NEGR1: variants seen among roughly 807,000 people sequenced by gnomAD.
NEGR1 encodes the protein IgLON family member 4.
A neutral mutation model predicts 40.9 loss-of-function variants in NEGR1; 10 were observed. The ratio of observed to expected loss-of-function variants is 0.24; its 90% CI spans 0.15 to 0.42. The LOEUF is 0.42. Among genes scored for constraint, NEGR1 ranks in the 10% least tolerant of loss-of-function variants. The pLI, the probability that NEGR1 is intolerant of heterozygous loss-of-function variation, is 1.00. For missense variants in NEGR1, 352 were observed against 438.9 expected, an observed-to-expected ratio of 0.80 and a Z score of 1.77; for synonymous variants, 185 against 166.8, an observed-to-expected ratio of 1.11 and a Z score of -0.84.
chr1:71,648,341 G>A (rs1487169537), intron 4 of NEGR1, among the ~76,000 whole-genome samples: 1 of 152,010 alleles, frequency 6.6e-6, no homozygotes, highest in African/African-American at 2.4e-5. Flanking sequence ...AACAACTTGA[G>A]TGTGAGCTAT....
intron 2 of NEGR1, among the ~76,000 whole-genome samples, chr1:71,800,563 C>A (rs1331418923): frequency 6.6e-6 from 1 of 152,146 alleles, no homozygotes. Flanking sequence ...TATCCCTTTT[C>A]CTTATCCCTG....
chr1:71,616,871 T>A (rs1650461637), intron 4 of NEGR1, among the ~76,000 whole-genome samples: 1 of 152,112 alleles, frequency 6.6e-6, no homozygotes, highest in East Asian at 1.9e-4. Flanking sequence ...AAAGCTGCAT[T>A]TAAAAGAAAA....
chr1:71,873,843 A>C (rs1166964158), intron 2 of NEGR1, among the ~76,000 whole-genome samples: 1 of 152,174 alleles, frequency 6.6e-6, no homozygotes. Flanking sequence ...TCAAAACAAA[A>C]TCTCATCTGT....
intron 2 of NEGR1, among the ~76,000 whole-genome samples, chr1:71,896,375 G>C (rs932684085): frequency 2.0e-5 from 3 of 152,050 alleles, no homozygotes; most frequent in African/African-American, 7.2e-5. Flanking sequence ...CAAATTATTT[G>C]ACCACTTTCT....
intron 6 of NEGR1, among the ~76,000 whole-genome samples, chr1:71,562,387 A>G (rs1368608951): frequency 6.6e-6 from 1 of 150,774 alleles, no homozygotes; most frequent in African/African-American, 2.4e-5. Flanking sequence ...CTGGTTCTAA[A>G]ATATGAAGAG....
At chr1:71,824,453 T>C (rs1456675853) in intron 2 of NEGR1, among the ~76,000 whole-genome samples, 1 of 151,872 alleles carries the variant, frequency 6.6e-6, no homozygotes, top group Non-Finnish European at 1.5e-5. Context: ...CATATAATCT[T>C]ACCCATTATA....
At chr1:72,104,768 T>C (rs904405706) in intron 1 of NEGR1, among the ~76,000 whole-genome samples, 1 of 152,122 alleles carries the variant, frequency 6.6e-6, no homozygotes, top group Non-Finnish European at 1.5e-5. Flanking sequence ...ACAACAATAC[T>C]TTTTTGCCTT....
chr1:72,156,280 A>T (rs1651354402), intron 1 of NEGR1, among the ~76,000 whole-genome samples: 1 of 152,122 alleles, frequency 6.6e-6, no homozygotes, highest in Non-Finnish European at 1.5e-5. Flanking sequence ...CAACTACTGA[A>T]ATATAAAATC....
intron 2 of NEGR1, among the ~76,000 whole-genome samples, chr1:71,809,094 AC>A (rs1248979797): frequency 6.6e-6 from 1 of 152,194 alleles, no homozygotes; most frequent in African/African-American, 2.4e-5. Context: ...GAAAAGCAGC[AC>A]GGGGGGGCAC....
chr1:72,209,523 C>A (rs1198748916), intron 1 of NEGR1, among the ~76,000 whole-genome samples: 3 of 151,724 alleles, frequency 2.0e-5, no homozygotes, highest in African/African-American at 7.2e-5. Flanking sequence ...GAACTCTGAA[C>A]ACCTATCCCA....
chr1:71,562,177 A>G (rs908585280), intron 6 of NEGR1, among the ~76,000 whole-genome samples: 1 of 151,840 alleles, frequency 6.6e-6, no homozygotes, highest in Non-Finnish European at 1.5e-5. Flanking sequence ...GGCAAAGATT[A>G]TCGGGCAAAA....
chr1:71,820,728 G>A (rs529770773), intron 2 of NEGR1, among the ~76,000 whole-genome samples: 4 of 152,072 alleles, frequency 2.6e-5, no homozygotes, highest in Admixed American at 2.6e-4. Context: ...ATGAGGCCAA[G>A]TGAATGTCCC....
chr1:71,716,336 T>C (rs1654276173), intron 3 of NEGR1, among the ~76,000 whole-genome samples: 1 of 152,062 alleles, frequency 6.6e-6, no homozygotes, highest in Non-Finnish European at 1.5e-5. Context: ...ACCTATCTTC[T>C]AGGGTTATCA....
chr1:72,145,406 T>C lies in NEGR1; in HGVS notation c.176+136913A>G, dbSNP rs1410590117. ...ATTGAGTTGTTGAACAGCATTTTTGTTACTTGTGAACACTAAATGTAATAG... is the reference window on the plus strand; with the variant it reads ...ATTGAGTTGTTGAACAGCATTTTTGCTACTTGTGAACACTAAATGTAATAG... On this transcript the variant is annotated intron_variant, in intron 1 of 6. Transcript: ENST00000357731. 2.0e-5 allele frequency among the ~76,000 whole-genome samples: 3 copies of C among 152,164 alleles called. No homozygotes were observed. In the East Asian group the frequency reaches 5.8e-4, roughly 29 times the overall value.
chr1:71,899,485 G>A (rs1052076736), intron 2 of NEGR1, among the ~76,000 whole-genome samples: 1 of 152,022 alleles, frequency 6.6e-6, no homozygotes, highest in Non-Finnish European at 1.5e-5. Context: ...TGGAAAGGAA[G>A]AATCACTGAG....
intron 4 of NEGR1, among the ~76,000 whole-genome samples, chr1:71,677,181 A>T (rs1053894967): frequency 6.6e-6 from 1 of 152,148 alleles, no homozygotes; most frequent in Admixed American, 6.6e-5. Flanking sequence ...TCTGCCACAC[A>T]TGTTCACAGG....
intron 1 of NEGR1, among the ~76,000 whole-genome samples, chr1:72,128,172 T>C (rs910283543): frequency 6.6e-6 from 1 of 152,170 alleles, no homozygotes; most frequent in African/African-American, 2.4e-5. Flanking sequence ...TGCTACAAGA[T>C]ACAGGCTTTT....
intron 1 of NEGR1, among the ~76,000 whole-genome samples, chr1:72,033,760 A>G (rs910969632): frequency 2.0e-5 from 3 of 152,138 alleles, no homozygotes; most frequent in Non-Finnish European, 4.4e-5. Context: ...ATTGCCTAGT[A>G]AAAGCATGGA....
intron 6 of NEGR1, among the ~76,000 whole-genome samples, chr1:71,488,340 G>A (rs1265864859): frequency 6.6e-6 from 1 of 151,770 alleles, no homozygotes; most frequent in Non-Finnish European, 1.5e-5. Context: ...ATTCTGGTTA[G>A]CCTAGATAGA....
Sources: allele counts gnomAD v4.1 joint callset (sites outside exome capture counted in the v4.1 genomes callset), GRCh38; gene constraint gnomAD v4.1.1; transcripts MANE v1.5; gene names NCBI Gene and HGNC (gene_info 2026-07-23, HGNC 2026-07-21).